The following TMPRSS9 variants were observed in gnomAD, a reference collection of about 807,000 sequenced individuals.
The protein encoded by TMPRSS9 is transmembrane protease serine 9.
In TMPRSS9, 113 loss-of-function variants were observed where a neutral mutation model predicts 111.4. The ratio of observed to expected loss-of-function variants is 1.01; its 90% confidence interval spans 0.87 to 1.19. The LOEUF (loss-of-function observed/expected upper bound fraction) is 1.19. TMPRSS9 is among the 50% of genes most tolerant of loss of function. TMPRSS9 has a pLI of 0.00. For missense variants in TMPRSS9, 1,803 were observed against 1,513.1 expected (o/e 1.19, Z -3.18); for synonymous variants, 805 against 659.1 (o/e 1.22, Z -3.39).
chr19:2,387,505 G>C (rs1268993304), upstream of TMPRSS9, among the ~76,000 whole-genome samples: 1 of 148,234 alleles, frequency 6.7e-6, no homozygotes, highest in Non-Finnish European at 1.5e-5. Flanking sequence ...CAATAGAAAA[G>C]AAAGGAAAGG....
At chr19:2,388,876 A>T (rs1970527887), upstream of TMPRSS9, among the ~76,000 whole-genome samples, 1 of 151,706 alleles carries the variant, frequency 6.6e-6, no homozygotes, top group Non-Finnish European at 1.5e-5. Flanking sequence ...CTCTCACCTC[A>T]GCCTCCCACA....
rs576048468 is a variant in TMPRSS9, at chr19:2,425,752, C to T, written c.3121-175C>T. 6.0e-6 allele frequency: 7 copies of T among 1,161,904 alleles called. No individual in the cohort carries two copies. The South Asian group carries it at 1.0e-4, about 17-fold the overall frequency. The allele number at this position is 1,161,904 out of a possible 1,614,324, so 72.0% of individuals were successfully genotyped here. A position where few individuals can be genotyped will look rare whatever the true frequency, so the allele number is the denominator to read the frequency against. ...GGGAGGCACCGTTCCACTCCGGGAC[C>T]ACGTGGCGGGTGTCCATAAATGTCT... On this transcript the variant is annotated intron_variant, in intron 17 of 17. Transcript: ENST00000648592.
intron 7 of TMPRSS9, among the ~76,000 whole-genome samples, chr19:2,406,287 G>A (rs1324356728): frequency 6.6e-6 from 1 of 150,874 alleles, no homozygotes; most frequent in Non-Finnish European, 1.5e-5. Context: ...CAAAGCGCTG[G>A]GATTACAGGC....
intron 1 of TMPRSS9, among the ~76,000 whole-genome samples, chr19:2,394,650 A>G (rs917571625): frequency 1.3e-5 from 2 of 152,112 alleles, no homozygotes; most frequent in African/African-American, 4.8e-5. Flanking sequence ...GGTTCAGAAT[A>G]TTCTATCTAC....
intron 10 of TMPRSS9, among the ~76,000 whole-genome samples, chr19:2,414,396 C>A (rs1473766476): frequency 3.9e-5 from 6 of 152,026 alleles, no homozygotes; most frequent in African/African-American, 1.4e-4. Flanking sequence ...CAGGCCACCA[C>A]ACCCGGCTAA....
At chr19:2,424,364 T>G (rs1971545310) in intron 15 of TMPRSS9, 107 bp downstream of exon 16, 1 of 1,172,930 alleles carries the variant, frequency 8.5e-7, no homozygotes, top group East Asian at 3.2e-5. Flanking sequence ...GGGAGTGCCC[T>G]CCCCAACCCC....
chr19:2,381,999 C>T (rs1311916971), intron 1 of TMPRSS9, among the ~76,000 whole-genome samples: 2 of 152,070 alleles, frequency 1.3e-5, no homozygotes, highest in Non-Finnish European at 2.9e-5. Flanking sequence ...TGTGCCATCA[C>T]GCCCAGCTAA....
At chr19:2,421,884 G>C in exon 14 of TMPRSS9, 1 of 1,610,110 alleles carries the variant, frequency 6.2e-7, no homozygotes, top group Non-Finnish European at 8.5e-7. Flanking sequence ...GGCCTGCGAG[G>C]AGGCCCCTGG....
intron 6 of TMPRSS9, among the ~76,000 whole-genome samples, chr19:2,404,810 T>G (rs2145336030): frequency 6.6e-6 from 1 of 150,910 alleles, no homozygotes; most frequent in Non-Finnish European, 1.5e-5. Flanking sequence ...CGGGTGCCTG[T>G]AATCCCAGCT....
intron 10 of TMPRSS9, 97 bp from the exon 12 acceptor site, chr19:2,415,573 G>A: frequency 8.3e-7 from 1 of 1,199,198 alleles, no homozygotes; most frequent in Non-Finnish European, 1.1e-6. Flanking sequence ...GGCATCTTCA[G>A]GGCCTGGCTG....
At chr19:2,376,620 C>T (rs1269162384) in intron 1 of TMPRSS9, among the ~76,000 whole-genome samples, 3 of 152,016 alleles carry the variant, frequency 2.0e-5, no homozygotes, top group East Asian at 1.9e-4. Context: ...CCCCCACGCC[C>T]GGCTAATTTT....
At chr19:2,424,387 C>T in intron 15 of TMPRSS9, 130 bp downstream of exon 16, 1 of 1,028,342 alleles carries the variant, frequency 9.7e-7, no homozygotes, top group Non-Finnish European at 1.3e-6. Context: ...CTCCCACTGC[C>T]CCAGGCCACT....
chr19:2,368,774 G>GTTTTTTGTTTTTTTTTTTTT (rs1970266065), intron 1 of TMPRSS9, among the ~76,000 whole-genome samples: 1 of 70,366 alleles, frequency 1.4e-5, no homozygotes, highest in Non-Finnish European at 2.6e-5. Context: ...GATAAACCCA[G>GTTTTTTGTTTTTTTTTTTTT]TTTTTTTTTT....
chr19:2,409,127 G>A (rs1330208141), intron 8 of TMPRSS9, among the ~76,000 whole-genome samples: 2 of 148,880 alleles, frequency 1.3e-5, no homozygotes, highest in African/African-American at 2.5e-5. Flanking sequence ...ACCCATCATC[G>A]ATGCTACTGC....
chr19:2,419,950 G>A (rs1424196150), intron 13 of TMPRSS9, among the ~76,000 whole-genome samples: 2 of 152,096 alleles, frequency 1.3e-5, no homozygotes, highest in African/African-American at 2.4e-5. Flanking sequence ...GTCGAGGCCA[G>A]GATTGCAAGA....
chr19:2,416,956 G>T, intron 12 of TMPRSS9, 147 bp downstream of exon 13: 1 of 1,130,440 alleles, frequency 8.8e-7, no homozygotes, highest in South Asian at 1.7e-5. Context: ...CTTTGGTCCC[G>T]CTGCCCACAC....
exon 9 of TMPRSS9, chr19:2,410,345 A>G: frequency 6.2e-7 from 1 of 1,614,090 alleles, no homozygotes; most frequent in East Asian, 2.2e-5. Context: ...TCACTCACTG[A>G]CAGGATGGTG....
intron 2 of TMPRSS9, among the ~76,000 whole-genome samples, chr19:2,397,442 C>A (rs1198421872): frequency 6.6e-6 from 1 of 152,070 alleles, no homozygotes; most frequent in Non-Finnish European, 1.5e-5. Context: ...AGGCACCCAC[C>A]ACCTAGGATG....
intron 12 of TMPRSS9, 34 bp from the exon 14 acceptor site, chr19:2,417,968 G>C (rs376001337): frequency 6.2e-7 from 1 of 1,610,606 alleles, no homozygotes; most frequent in Non-Finnish European, 8.5e-7. Context: ...GATGATCACT[G>C]TGCACGTGGC....
Sources: allele counts gnomAD v4.1 joint callset (sites outside exome capture counted in the v4.1 genomes callset), GRCh38; gene constraint gnomAD v4.1.1; transcripts MANE v1.5; gene names NCBI Gene and HGNC (gene_info 2026-07-23, HGNC 2026-07-21).